PRKG1: variants seen among roughly 807,000 people sequenced by gnomAD.
PRKG1 encodes cGMP-dependent protein kinase 1.
Under a neutral mutation model 88.1 loss-of-function variants are expected in PRKG1, and 35 were observed. The observed-to-expected ratio is 0.40, with a 90% CI of 0.30 to 0.53. The LOEUF (loss-of-function observed/expected upper bound fraction) is 0.53, where lower values mean the gene tolerates loss of function less well. Ranked by LOEUF, PRKG1 falls within the 20% of genes least tolerant of loss-of-function variation. The pLI is 0.59. For synonymous variants in PRKG1, 303 were observed against 292.5 expected, an observed-to-expected ratio of 1.04 and a Z score of -0.37; for missense variants, 540 against 839.8, an observed-to-expected ratio of 0.64 and a Z score of 4.41.
intron 3 of PRKG1, among the ~76,000 whole-genome samples, chr10:51,537,623 G>C (rs1842189689): frequency 6.6e-6 from 1 of 151,548 alleles, no homozygotes; most frequent in Non-Finnish European, 1.5e-5. Context: ...AGCTACTCTG[G>C]AGGCTGAGGC....
intron 2 of PRKG1, among the ~76,000 whole-genome samples, chr10:51,358,696 T>A (rs1427563051): frequency 6.6e-6 from 1 of 151,850 alleles, no homozygotes; most frequent in Non-Finnish European, 1.5e-5. Flanking sequence ...GGAGTCCAGA[T>A]GGAAGATTAC....
chr10:51,676,461 C>CAAAAAA (rs375581966), intron 3 of PRKG1, among the ~76,000 whole-genome samples: 1 of 92,744 alleles, frequency 1.1e-5, no homozygotes, highest in African/African-American at 3.5e-5. Flanking sequence ...CACCAATGCA[C>CAAAAAA]AAAAAAAAAA....
At chr10:51,277,110 C>G (rs1564666813) in intron 2 of PRKG1, among the ~76,000 whole-genome samples, 1 of 152,160 alleles carries the variant, frequency 6.6e-6, no homozygotes, top group Non-Finnish European at 1.5e-5. Context: ...ACGTTTAAGT[C>G]TTTAATCCAT....
intron 1 of PRKG1, among the ~76,000 whole-genome samples, chr10:51,031,496 C>T (rs1293003429): frequency 6.6e-6 from 1 of 152,044 alleles, no homozygotes; most frequent in African/African-American, 2.4e-5. Flanking sequence ...ATTATCTAGA[C>T]CCAAGGATTG....
At chr10:52,035,446 T>G (rs1042315207) in intron 5 of PRKG1, among the ~76,000 whole-genome samples, 1 of 152,180 alleles carries the variant, frequency 6.6e-6, no homozygotes, top group Non-Finnish European at 1.5e-5. Context: ...GGCAGGCTAG[T>G]GGCTTGTACT....
chr10:51,871,211 C>T (rs72799477), intron 4 of PRKG1, among the ~76,000 whole-genome samples: 2,250 of 152,282 alleles, frequency 0.015, 28 homozygotes, highest in South Asian at 0.047. Context: ...TATCCATTGT[C>T]TCCTTTCAGA....
At chr10:51,934,674 C>T (rs1345701417) in intron 5 of PRKG1, among the ~76,000 whole-genome samples, 1 of 152,104 alleles carries the variant, frequency 6.6e-6, no homozygotes, top group Non-Finnish European at 1.5e-5. Context: ...TTTTCCCTAC[C>T]GTCTGTCTGT....
At chr10:51,795,593 A>G (rs1263910554) in intron 3 of PRKG1, among the ~76,000 whole-genome samples, 1 of 152,074 alleles carries the variant, frequency 6.6e-6, no homozygotes, top group Non-Finnish European at 1.5e-5. Flanking sequence ...GGAAGCAGTT[A>G]TGCGCTTGAT....
intron 7 of PRKG1, among the ~76,000 whole-genome samples, chr10:52,090,023 C>CAGGAT (rs1267062956): frequency 2.6e-5 from 4 of 151,894 alleles, no homozygotes; most frequent in African/African-American, 9.7e-5. Flanking sequence ...CCTTGTTGGC[C>CAGGAT]AGGATGGTCT....
intron 3 of PRKG1, among the ~76,000 whole-genome samples, chr10:51,528,706 G>T (rs929484840): frequency 3.3e-5 from 5 of 152,046 alleles, no homozygotes; most frequent in Non-Finnish European, 7.4e-5. Context: ...AACTCTTGCA[G>T]AGGGCTAATT....
chr10:51,867,866 A>G (rs567449851), intron 4 of PRKG1, among the ~76,000 whole-genome samples: 74 of 152,360 alleles, frequency 4.9e-4, no homozygotes, highest in Non-Finnish European at 9.4e-4. Flanking sequence ...GAGGGTAACA[A>G]AAAGTTAACA....
At chr10:52,204,135 C>T (rs1040980998) in intron 9 of PRKG1, among the ~76,000 whole-genome samples, 2 of 151,252 alleles carry the variant, frequency 1.3e-5, no homozygotes, top group Admixed American at 6.6e-5. Flanking sequence ...GACTCTTGCT[C>T]TGTTGCCCAG....
chr10:51,907,711 G>T, intron 5 of PRKG1, 141 bp downstream of exon 5: 1 of 623,454 alleles, frequency 1.6e-6, no homozygotes, highest in Non-Finnish European at 2.7e-6. Context: ...TATATATTTG[G>T]CTTCGTATAG....
chr10:51,998,440 C>T (rs543646059), intron 5 of PRKG1, among the ~76,000 whole-genome samples: 1 of 152,120 alleles, frequency 6.6e-6, no homozygotes, highest in African/African-American at 2.4e-5. Context: ...GCTATGGTCA[C>T]TTTTTTTGGT....
chr10:51,430,148 G>T (rs1838720372), intron 2 of PRKG1, among the ~76,000 whole-genome samples: 2 of 150,550 alleles, frequency 1.3e-5, no homozygotes, highest in South Asian at 4.2e-4. Flanking sequence ...AGGCGTGGTG[G>T]CTCATGCCTG....
chr10:51,994,327 G>A (rs1844383166), intron 5 of PRKG1, among the ~76,000 whole-genome samples: 1 of 152,130 alleles, frequency 6.6e-6, no homozygotes, highest in Admixed American at 6.6e-5. Flanking sequence ...ATTGATCAAG[G>A]TCTCCTCGTG....
chr10:51,531,970 C>T (rs2132095044), intron 3 of PRKG1, among the ~76,000 whole-genome samples: 1 of 152,202 alleles, frequency 6.6e-6, no homozygotes, highest in African/African-American at 2.4e-5. Context: ...AAATGACAGT[C>T]AGGACACTCG....
intron 2 of PRKG1, among the ~76,000 whole-genome samples, chr10:51,336,204 C>T (rs1841871832): frequency 6.6e-6 from 1 of 151,756 alleles, no homozygotes; most frequent in Non-Finnish European, 1.5e-5. Context: ...AGTATAAAAA[C>T]TAGCCAGGCC....
chr10:52,029,215 C>G (rs576820989), intron 5 of PRKG1, among the ~76,000 whole-genome samples: 1 of 152,304 alleles, frequency 6.6e-6, no homozygotes, highest in Admixed American at 6.5e-5. Flanking sequence ...AAAAGTCATT[C>G]CATTCTTTGA....
Sources: gnomAD v4.1 joint callset for allele counts (sites outside exome capture counted in the v4.1 genomes callset) on GRCh38, gnomAD v4.1.1 for gene constraint, MANE v1.5 for transcripts, NCBI Gene and HGNC (gene_info 2026-07-23, HGNC 2026-07-21) for gene names.